Variants in POTEF observed in about 807,000 individuals in gnomAD.
POTEF encodes the protein POTE ankyrin domain family member F.
Under a neutral mutation model 83.2 loss-of-function variants are expected in POTEF, and 20 were observed. That is an observed-to-expected ratio of 0.24 (90% CI 0.17 to 0.35). The LOEUF is 0.35. Ranked by LOEUF, POTEF falls within the 10% of genes least tolerant of loss-of-function variation. POTEF has a pLI of 1.00. For synonymous variants in POTEF, 196 were observed against 446.4 expected (o/e 0.44, Z 7.07); for missense variants, 550 against 1,203.2 (o/e 0.46, Z 8.03).
intron 7 of POTEF, chr2:130,109,700 A>T (rs1684655194): frequency 1.3e-5 from 2 of 150,606 alleles, no homozygotes; most frequent in Non-Finnish European, 2.9e-5. Flanking sequence ...CCCACCTAAC[A>T]TCTGCCAGAG....
chr2:130,111,966 A>C, intron 6 of POTEF, 29 bp downstream of exon 6: 1 of 1,581,340 alleles, frequency 6.3e-7, no homozygotes, highest in Non-Finnish European at 8.5e-7. Context: ...GTCCATCTAC[A>C]ACACACAGAT....
At chr2:130,109,088 T>A (rs1380617603) in intron 7 of POTEF, 1 of 151,370 alleles carries the variant, frequency 6.6e-6, no homozygotes, top group African/African-American at 2.5e-5. Flanking sequence ...TACATGACTA[T>A]TTTTGCAGCA....
chr2:130,102,655 C>G (rs1422210827), intron 8 of POTEF, among the ~76,000 whole-genome samples: 1 of 149,310 alleles, frequency 6.7e-6, no homozygotes, highest in Non-Finnish European at 1.5e-5. Flanking sequence ...CATCCCAGAG[C>G]AAGGTTAAGA....
At chr2:130,110,184 C>G (rs1332727655) in intron 7 of POTEF, among the ~76,000 whole-genome samples, 1 of 151,412 alleles carries the variant, frequency 6.6e-6, no homozygotes, top group Admixed American at 6.6e-5. Flanking sequence ...GAAGACAGTA[C>G]AAGACTTTCC....
intron 16 of POTEF, among the ~76,000 whole-genome samples, chr2:130,075,888 G>C (rs555401881): frequency 6.6e-6 from 1 of 150,788 alleles, no homozygotes; most frequent in South Asian, 2.1e-4. Flanking sequence ...ATTAAAAAAA[G>C]CCTTTTTTCT....
Position 130,103,820 on chromosome 2 carries a change from G to A in POTEF, c.1127-1640C>T, listed in dbSNP as rs1337492173. On this transcript the variant is annotated intron_variant, in intron 8 of 16. Transcript: ENST00000409914. ...GCCACGCAGCAGCAAGAGCGGGAGC[G>A]AGGCCTGAAAGAGTGAAAGTATTTG... 1.3e-4 allele frequency among the ~76,000 whole-genome samples: 18 copies of A among 138,920 alleles called. 1 individual carries two copies. Among genetic ancestry groups the A allele is most frequent in the African/African-American group, 2.3e-4 (8 of 35,036 alleles). 91.1% of individuals were successfully genotyped at this position (138,920 alleles called of 152,430 possible). A position where few individuals can be genotyped will look rare whatever the true frequency, so the allele number is the denominator to read the frequency against.
intron 9 of POTEF, among the ~76,000 whole-genome samples, chr2:130,101,020 C>A (rs1684357786): frequency 6.9e-6 from 1 of 144,344 alleles, no homozygotes; most frequent in African/African-American, 2.8e-5. Context: ...AATTTGGTCA[C>A]CATTTGTTTG....
chr2:130,104,895 T>C (rs1333888145), intron 8 of POTEF, among the ~76,000 whole-genome samples: 2 of 151,338 alleles, frequency 1.3e-5, no homozygotes, highest in East Asian at 1.9e-4. Context: ...ATGCGAGTTA[T>C]AAATGCTGGT....
At chr2:130,101,571 G>A (rs185710680) in intron 9 of POTEF, among the ~76,000 whole-genome samples, 1 of 150,194 alleles carries the variant, frequency 6.7e-6, no homozygotes, top group Non-Finnish European at 1.5e-5. Context: ...ATATTTTTAA[G>A]CTTGGTATCA....
intron 8 of POTEF, among the ~76,000 whole-genome samples, chr2:130,102,662 A>C (rs200036829): frequency 3.1e-4 from 46 of 149,824 alleles, no homozygotes; most frequent in East Asian, 2.9e-3. Flanking sequence ...GAGCAAGGTT[A>C]AGAAAACAAA....
At chr2:130,112,882 C>G (rs1684748383) in intron 5 of POTEF, among the ~76,000 whole-genome samples, 1 of 151,872 alleles carries the variant, frequency 6.6e-6, no homozygotes, top group African/African-American at 2.4e-5. Context: ...TAACGACTTA[C>G]TGACCTAAGT....
At chr2:130,115,099 A>G in intron 4 of POTEF, 45 bp from the exon 5 acceptor site, 1 of 1,552,266 alleles carries the variant, frequency 6.4e-7, no homozygotes, top group Non-Finnish European at 8.7e-7. Context: ...TTAGGAATTC[A>G]AAATAACATT....
At position 130,075,312 on chromosome 2, in the gene POTEF, G is replaced by T. The variant is rs1158769083; in HGVS notation, c.2160C>A (p.Gly720=). ...IDNGSGMCKA[G]FAGDDAPRAV... ...CCCGGGGGGCATCGTCGCCCGCAAAGCCGGCCTTGCACATGCCAGAGCCGT... is the reference window on the plus strand; with the variant it reads ...CCCGGGGGGCATCGTCGCCCGCAAATCCGGCCTTGCACATGCCAGAGCCGT... Residue 720 remains glycine, a synonymous_variant, in exon 17 of 17, where the codon GGC becomes GGA. Coordinates refer to ENST00000409914, the MANE Select transcript of POTEF (RefSeq NM_001099771.2). 6.2e-7 allele frequency: 1 copy of T among 1,612,628 alleles called. No individual in the cohort carries two copies. Among genetic ancestry groups the T allele is most frequent in the Non-Finnish European group, 8.5e-7 (1 of 1,179,856 alleles).
At chr2:130,113,110 G>C (rs1684754571) in intron 5 of POTEF, among the ~76,000 whole-genome samples, 1 of 141,356 alleles carries the variant, frequency 7.1e-6, no homozygotes, top group Non-Finnish European at 1.5e-5. Flanking sequence ...GGTCAGGAAT[G>C]GTGGCTCACA....
chr2:130,097,211 AT>A (rs1684263374), intron 11 of POTEF, among the ~76,000 whole-genome samples: 1 of 102,606 alleles, frequency 9.7e-6, no homozygotes, highest in East Asian at 2.7e-4. Flanking sequence ...ACAGAAAAAA[AT>A]TGTGATAATC....
intron 3 of POTEF, 111 bp downstream of exon 3, chr2:130,119,883 TG>T: frequency 1.7e-6 from 2 of 1,148,476 alleles, no homozygotes; most frequent in Non-Finnish European, 2.4e-6. Flanking sequence ...ACATCCAGGG[TG>T]GTGTGAGGCC....
chr2:130,104,652 G>A (rs1334012484), intron 8 of POTEF, among the ~76,000 whole-genome samples: 3 of 151,526 alleles, frequency 2.0e-5, no homozygotes, highest in African/African-American at 4.9e-5. Context: ...GCCTTCATAC[G>A]CTCCTTGCTC....
chr2:130,116,270 C>T (rs1473893348), intron 3 of POTEF, among the ~76,000 whole-genome samples: 3 of 151,232 alleles, frequency 2.0e-5, no homozygotes, highest in Non-Finnish European at 4.4e-5. Context: ...TATTTCCAAT[C>T]ATTCATATTA....
intron 11 of POTEF, among the ~76,000 whole-genome samples, chr2:130,094,736 T>G (rs1451225598): frequency 2.6e-5 from 1 of 39,020 alleles, no homozygotes; most frequent in African/African-American, 1.1e-4. Context: ...TGCAATGAAC[T>G]GAGATCGCGC....
Sources: allele counts gnomAD v4.1 joint callset (sites outside exome capture counted in the v4.1 genomes callset), GRCh38; gene constraint gnomAD v4.1.1; transcripts MANE v1.5; gene names NCBI Gene and HGNC (gene_info 2026-07-23, HGNC 2026-07-21).